STAM: variants seen among roughly 807,000 people sequenced by gnomAD.
STAM encodes signal transducing adapter molecule 1.
Under a neutral mutation model 63.4 loss-of-function variants are expected in STAM, and 16 were observed. The observed-to-expected ratio is 0.25, with a 90% CI of 0.17 to 0.38. The LOEUF is 0.38. Ranked by LOEUF, STAM falls within the 10% of genes least tolerant of loss-of-function variation. The pLI is 1.00. For synonymous variants in STAM, 238 were observed against 223.9 expected, an observed-to-expected ratio of 1.06 and a Z score of -0.56; for missense variants, 636 against 657.1, an observed-to-expected ratio of 0.97 and a Z score of 0.35.
chr10:17,680,090 T>G (rs1265562999), intron 2 of STAM, among the ~76,000 whole-genome samples: 2 of 152,194 alleles, frequency 1.3e-5, no homozygotes, highest in African/African-American at 4.8e-5. Flanking sequence ...TTGCCTCTCT[T>G]TATTGTTTCC....
intron 2 of STAM, among the ~76,000 whole-genome samples, chr10:17,680,177 T>A (rs1835022867): frequency 6.6e-6 from 1 of 152,184 alleles, no homozygotes; most frequent in East Asian, 1.9e-4. Flanking sequence ...GGTTATTGAT[T>A]TGAGATCTTT....
At chr10:17,688,976 A>G (rs1835416176) in intron 5 of STAM, among the ~76,000 whole-genome samples, 1 of 152,168 alleles carries the variant, frequency 6.6e-6, no homozygotes. Flanking sequence ...GTAAATGGGA[A>G]GAGAAGCACC....
chr10:17,686,963 T>G (rs1271868231), intron 4 of STAM, among the ~76,000 whole-genome samples: 1 of 152,248 alleles, frequency 6.6e-6, no homozygotes, highest in Non-Finnish European at 1.5e-5. Flanking sequence ...TCTTTATATC[T>G]ATTACATCAA....
At chr10:17,679,631 A>C (rs1835000199) in intron 2 of STAM, among the ~76,000 whole-genome samples, 1 of 151,602 alleles carries the variant, frequency 6.6e-6, no homozygotes, top group South Asian at 2.1e-4. Context: ...ATTTGGTAGA[A>C]TTCACCAGTG....
rs193144784 is a variant in STAM, at chr10:17,673,279, T to C, written c.126-11396T>C. On this transcript the variant is annotated intron_variant, in intron 2 of 13. Transcript: ENST00000377524. ...TAACTACATTTTATGAAAGGATGTA[T>C]GTTTTCCACTTAGCGAACTCAGTGG... 3.9e-5 allele frequency among the ~76,000 whole-genome samples: 6 copies of C among 152,354 alleles called. No individual in the cohort carries two copies. The East Asian group carries it at 1.2e-3, about 29-fold the overall frequency.
At chr10:17,701,151 AT>A (rs1476345770) in intron 9 of STAM, among the ~76,000 whole-genome samples, 1 of 152,176 alleles carries the variant, frequency 6.6e-6, no homozygotes, top group Non-Finnish European at 1.5e-5. Context: ...TAAATTTGAG[AT>A]TTCTTGAATT....
chr10:17,657,023 T>C (rs1833966658), intron 1 of STAM, among the ~76,000 whole-genome samples: 3 of 152,144 alleles, frequency 2.0e-5, no homozygotes, highest in Non-Finnish European at 4.4e-5. Context: ...ACAGTGTGTT[T>C]AGAAAGTTGT....
intron 1 of STAM, among the ~76,000 whole-genome samples, chr10:17,645,123 A>AATTTT (rs1173375873): frequency 1.3e-5 from 2 of 152,074 alleles, no homozygotes; most frequent in African/African-American, 4.8e-5. Context: ...TTTGGTTTTT[A>AATTTT]ATTTTATTTT....
chr10:17,680,975 G>A (rs1189712898), intron 2 of STAM, among the ~76,000 whole-genome samples: 2 of 152,084 alleles, frequency 1.3e-5, no homozygotes, highest in Admixed American at 6.6e-5. Context: ...CAGTCCTTTG[G>A]GGTATATACC....
intron 13 of STAM, among the ~76,000 whole-genome samples, chr10:17,709,852 C>T (rs908814382): frequency 5.4e-5 from 8 of 148,962 alleles, no homozygotes; most frequent in Non-Finnish European, 8.9e-5. Context: ...GATCTAGTAT[C>T]CCGAAGTGAC....
chr10:17,682,118 C>T (rs1284632910), intron 2 of STAM, among the ~76,000 whole-genome samples: 1 of 152,020 alleles, frequency 6.6e-6, no homozygotes, highest in African/African-American at 2.4e-5. Context: ...TAAGTATCAC[C>T]CCAACCAAGA....
At chr10:17,705,447 A>G (rs1836217102) in intron 11 of STAM, 141 bp from the exon 12 acceptor site, 2 of 1,015,424 alleles carry the variant, frequency 2.0e-6, no homozygotes, top group South Asian at 3.6e-5. Flanking sequence ...AAAATGCAGG[A>G]TATTTTTGTT....
chr10:17,652,326 AT>A (rs1425310249), intron 1 of STAM, among the ~76,000 whole-genome samples: 7 of 152,210 alleles, frequency 4.6e-5, no homozygotes, highest in Non-Finnish European at 1.0e-4. Flanking sequence ...GCCTCAATAA[AT>A]GATGTGAACA....
chr10:17,658,740 G>GC (rs1433687830), intron 1 of STAM, among the ~76,000 whole-genome samples: 1 of 152,096 alleles, frequency 6.6e-6, no homozygotes, highest in East Asian at 1.9e-4. Context: ...GCCCACTTCG[G>GC]CCTCCCAAAG....
intron 9 of STAM, among the ~76,000 whole-genome samples, chr10:17,702,899 T>C (rs1429201598): frequency 6.7e-6 from 1 of 150,156 alleles, no homozygotes; most frequent in Admixed American, 6.7e-5. Flanking sequence ...TCCTAGCTAC[T>C]TGGGAGGCTG....
chr10:17,675,702 A>G (rs1834825365), intron 2 of STAM, among the ~76,000 whole-genome samples: 1 of 152,220 alleles, frequency 6.6e-6, no homozygotes, highest in Non-Finnish European at 1.5e-5. Context: ...TCACTACTTT[A>G]TTCCTAAAGC....
intron 12 of STAM, among the ~76,000 whole-genome samples, chr10:17,708,242 C>T (rs1262213087): frequency 1.3e-5 from 2 of 152,192 alleles, no homozygotes; most frequent in South Asian, 2.1e-4. Flanking sequence ...CTGACAGAGC[C>T]GAGTAGTTGT....
Position 17,644,369 on chromosome 10 carries a change from T to G in STAM, c.30T>G (p.Asp10Glu). Reference protein sequence around the residue: MPLFATNPFDQDVEKATSEM... With the variant: MPLFATNPFEQDVEKATSEM... ...CTCTTTTTGCCACCAATCCCTTCGA[T>G]CAGGATGTTGGTAAGTGTTTTTGCC... The change falls in exon 1 of 14, where the codon GAT becomes GAG. Residue 10 changes from aspartate to glutamate, a missense_variant. Asp to Glu is a conservative substitution (Grantham distance 45). Transcript: ENST00000377524. 1 of 1,614,042 alleles carries G rather than the reference T, an allele frequency of 6.2e-7. No individual in the cohort carries two copies. Among genetic ancestry groups the G allele is most frequent in the Non-Finnish European group, 8.5e-7 (1 of 1,179,994 alleles).
chr10:17,697,151 ACTCC>A (rs1554827674), intron 8 of STAM, among the ~76,000 whole-genome samples: 1 of 150,972 alleles, frequency 6.6e-6, no homozygotes, highest in East Asian at 2.0e-4. Context: ...CTGGTCTTGA[ACTCC>A]TGACCTCAGG....
Sources: gnomAD v4.1 joint callset for allele counts (sites outside exome capture counted in the v4.1 genomes callset) on GRCh38, gnomAD v4.1.1 for gene constraint, MANE v1.5 for transcripts, NCBI Gene and HGNC (gene_info 2026-07-23, HGNC 2026-07-21) for gene names.